SMC4: variants seen among roughly 807,000 people sequenced by gnomAD.
SMC4 encodes the protein structural maintenance of chromosomes protein 4.
SMC4 carries 87 observed loss-of-function variants against 145.6 expected under a neutral mutation model. The observed-to-expected ratio is 0.60, with a 90% confidence interval of 0.50 to 0.71. SMC4 has a LOEUF of 0.71. Among genes scored for constraint, SMC4 ranks in the 30% least tolerant of loss-of-function variants. The pLI is 0.00. For synonymous variants in SMC4, 558 were observed against 500.7 expected (o/e 1.11, Z -1.53); for missense variants, 1,447 against 1,537.1 (o/e 0.94, Z 0.98).
chr3:160,430,290 A>C (rs1718254123), intron 18 of SMC4, among the ~76,000 whole-genome samples: 1 of 152,094 alleles, frequency 6.6e-6, no homozygotes, highest in Non-Finnish European at 1.5e-5. Context: ...GAGATTTAAC[A>C]ATCTCTGACG....
intron 8 of SMC4, 99 bp from the exon 9 acceptor site, chr3:160,414,268 C>G (rs556422410): frequency 2.0e-6 from 2 of 976,112 alleles, no homozygotes; most frequent in Non-Finnish European, 3.3e-6. Context: ...TTATTAAGAG[C>G]CTGGACATAT....
intron 13 of SMC4, 66 bp from the exon 14 acceptor site, chr3:160,423,359 G>GTTTTTTTTTTT (rs372679543): frequency 2.5e-5 from 10 of 406,844 alleles, no homozygotes; most frequent in African/African-American, 6.7e-5. Flanking sequence ...GTTTTTTTTT[G>GTTTTTTTTTTT]TTTTTTTTTT....
intron 2 of SMC4, 109 bp downstream of exon 2, chr3:160,401,074 G>T: frequency 7.7e-7 from 1 of 1,296,164 alleles, no homozygotes; most frequent in Non-Finnish European, 9.9e-7. Context: ...GACATCTGAA[G>T]GTCCGGTGTC....
chr3:160,411,105 T>C (rs928247608), intron 5 of SMC4, among the ~76,000 whole-genome samples: 1 of 152,190 alleles, frequency 6.6e-6, no homozygotes, highest in Non-Finnish European at 1.5e-5. Flanking sequence ...TTACTTATTA[T>C]GGATTTTTTT....
intron 3 of SMC4, 66 bp from the exon 4 acceptor site, chr3:160,402,610 A>AGT (rs778603968): frequency 2.2e-5 from 32 of 1,481,066 alleles, no homozygotes; most frequent in Non-Finnish European, 2.9e-5. Context: ...AGTTTCAGTT[A>AGT]AAATCAGTAG....
At chr3:160,400,562 C>A (rs1418119003) in intron 1 of SMC4, 2 of 426,806 alleles carry the variant, frequency 4.7e-6, no homozygotes, top group Non-Finnish European at 8.2e-6. Flanking sequence ...ACAACAACAA[C>A]AAACTAAGCA....
At chr3:160,433,621 T>G (rs757656087) in intron 23 of SMC4, 36 bp from the exon 24 acceptor site, 18 of 1,324,808 alleles carry the variant, frequency 1.4e-5, no homozygotes, top group Non-Finnish European at 1.8e-5. Context: ...TTACCTGTTA[T>G]TACTTAATGT....
Position 160,412,575 on chromosome 3 carries a change from T to C in SMC4, c.980+122T>C, listed in dbSNP as rs138842369. ...GAAAAAAAATCTCTAAATATTGTTT[T>C]GTGTGACTGAATGTGTTAGCTCATG... On this transcript the variant is annotated intron_variant, in intron 7 of 23. Coordinates refer to ENST00000357388, the MANE Select transcript of SMC4 (RefSeq NM_001002800.3). The C allele has an allele frequency of 1.8e-5, 24 of 1,364,952 alleles. No individual in the cohort carries two copies. The African/African-American group carries it at 2.8e-4, about 16-fold the overall frequency. The allele number at this position is 1,364,952 out of a possible 1,614,324, so 84.6% of individuals were successfully genotyped here.
In SMC4 at chr3:160,412,472, A is replaced by G. The variant is rs1716112570; in HGVS notation, c.980+19A>G. On this transcript the variant is annotated intron_variant, in intron 7 of 23. Transcript: ENST00000357388. Reference sequence around the variant, plus strand: ...ATTATATGTAAGTGCCTTGATTGATATTACCAATTTTTATATTAGTTTTTA... The same window carrying G: ...ATTATATGTAAGTGCCTTGATTGATGTTACCAATTTTTATATTAGTTTTTA... 7.6e-6 allele frequency: 12 copies of G among 1,582,490 alleles called. No individual in the cohort carries two copies. Among genetic ancestry groups the G allele is most frequent in the Non-Finnish European group, 1.0e-5 (12 of 1,165,352 alleles).
At position 160,433,664 on chromosome 3, in the gene SMC4, CAA is replaced by C; in HGVS notation, c.3727_3728del (p.Asn1243CysfsTer11). 1.3e-6 allele frequency: 2 copies of C among 1,537,580 alleles called. No homozygotes were observed. Among genetic ancestry groups the C allele is most frequent in the Non-Finnish European group, 1.8e-6 (2 of 1,140,986 alleles). On this transcript the variant is annotated frameshift_variant, in exon 24 of 24. Transcript: ENST00000357388. LOFTEE classifies it high-confidence loss of function. The stretch of plus-strand genomic sequence containing the variant: ...TTCTTTGTTTCTCTTTAGGAACAAA[CAA>C]AAAATGCACAGTTCATAATAATTTC...
chr3:160,409,597 A>C (rs1001336878), intron 5 of SMC4, among the ~76,000 whole-genome samples: 4 of 152,214 alleles, frequency 2.6e-5, no homozygotes, highest in Non-Finnish European at 5.9e-5. Flanking sequence ...AGCTATCTGA[A>C]AAATGTATAC....
At chr3:160,415,525 A>G (rs962717486) in intron 9 of SMC4, among the ~76,000 whole-genome samples, 29 of 152,274 alleles carry the variant, frequency 1.9e-4, no homozygotes, top group African/African-American at 7.0e-4. Flanking sequence ...GCTCTACTTT[A>G]CGCTATAAGC....
At position 160,417,862 on chromosome 3, in the gene SMC4, C is replaced by T; in HGVS notation, c.1577C>T (p.Ala526Val). The change falls in exon 11 of 24, where the codon GCT (alanine) becomes GTT (valine). Residue 526 changes from alanine to valine, a missense_variant. Transcript: ENST00000357388. ...TCTCAATTAACTAAGGCTAAGGAAGCTCTAATTGCAGCTTCTGAGACTCTC... is the reference window on the plus strand; with the variant it reads ...TCTCAATTAACTAAGGCTAAGGAAGTTCTAATTGCAGCTTCTGAGACTCTC... ...AVSQLTKAKE[A>V]LIAASETLKE... 6.2e-7 allele frequency: 1 copy of T among 1,613,678 alleles called. No homozygotes were observed. Among genetic ancestry groups the T allele is most frequent in the African/African-American group, 1.3e-5 (1 of 75,018 alleles).
chr3:160,431,243 T>G, intron 20 of SMC4, 38 bp downstream of exon 20: 1 of 1,507,982 alleles, frequency 6.6e-7, no homozygotes, highest in South Asian at 1.3e-5. Context: ...TTAAACATAT[T>G]CTTTATGAAA....
chr3:160,432,501 A>G lies in SMC4; in HGVS notation c.3516A>G (p.Glu1172=), dbSNP rs201804931. 2.8e-5 allele frequency: 45 copies of G among 1,599,116 alleles called. No individual in the cohort carries two copies. In the East Asian group the frequency reaches 9.8e-4, roughly 35 times the overall value. The change falls in exon 22 of 24, where the codon GAA becomes GAG. Residue 1172 remains glutamate (E), a synonymous_variant. Transcript: ENST00000357388. ...ELVDSLDPFS[E]GIMFSVRPPK... The stretch of plus-strand genomic sequence containing the variant: ...TAGACAGCTTGGATCCTTTCTCTGA[A>G]GGAATCATGTTCAGGTGTGTAATTA...
chr3:160,409,080 C>CA (rs1715664957), intron 5 of SMC4, among the ~76,000 whole-genome samples: 1 of 148,830 alleles, frequency 6.7e-6, no homozygotes, highest in Admixed American at 6.7e-5. Context: ...TCCTGGCTAA[C>CA]ACGGTGAAAC....
intron 13 of SMC4, among the ~76,000 whole-genome samples, chr3:160,421,936 A>G (rs1293443356): frequency 1.3e-5 from 2 of 152,204 alleles, no homozygotes; most frequent in East Asian, 3.8e-4. Context: ...TTGTTTCTGT[A>G]GATTTATCTA....
At chr3:160,415,816 G>C (rs1040198402) in intron 9 of SMC4, among the ~76,000 whole-genome samples, 1 of 152,244 alleles carries the variant, frequency 6.6e-6, no homozygotes, top group Non-Finnish European at 1.5e-5. Flanking sequence ...AGCCCTACAT[G>C]ATGACTCTGG....
rs1376930241 is a variant in SMC4, at chr3:160,402,112, CTA to C, written c.318+21_318+22del. The C allele has an allele frequency of 6.8e-7, 1 of 1,466,204 alleles. No individual in the cohort carries two copies. Among genetic ancestry groups the C allele is most frequent in the Non-Finnish European group, 9.1e-7 (1 of 1,098,436 alleles). The allele number at this position is 1,466,204 out of a possible 1,614,324, so 90.8% of individuals were successfully genotyped here. On this transcript the variant is annotated intron_variant, in intron 3 of 23. Transcript: ENST00000357388. Reference sequence around the variant, plus strand: ...CCATAAGGTATTTGTATGGAAATAACTATTTTATAACTTTTTAAATAACTATT... The same window carrying C: ...CCATAAGGTATTTGTATGGAAATAACTTTTATAACTTTTTAAATAACTATT...
Sources: allele counts gnomAD v4.1 joint callset (sites outside exome capture counted in the v4.1 genomes callset), GRCh38; gene constraint gnomAD v4.1.1; transcripts MANE v1.5; gene names NCBI Gene and HGNC (gene_info 2026-07-23, HGNC 2026-07-21).